The following SVOPL variants were observed in gnomAD, a reference collection of about 807,000 sequenced individuals.
SVOPL encodes SVOP like, also known as putative transporter SVOPL.
Under a neutral mutation model 61.0 loss-of-function variants are expected in SVOPL, and 60 were observed. The observed-to-expected ratio is 0.98, with a 90% CI of 0.80 to 1.22. SVOPL has a LOEUF of 1.22. Ranked by LOEUF, SVOPL falls within the 50% of genes most tolerant of loss-of-function variation. The probability of loss-of-function intolerance (pLI) is 0.00; values close to 1 mark genes in which losing one functional copy is unlikely to be tolerated. For synonymous variants in SVOPL, 279 were observed against 250.0 expected, an observed-to-expected ratio of 1.12 and a Z score of -1.09; for missense variants, 662 against 643.9, an observed-to-expected ratio of 1.03 and a Z score of -0.30.
At chr7:138,663,046 C>A (rs530982719) in intron 5 of SVOPL, 28 bp downstream of exon 5, 1 of 1,613,928 alleles carries the variant, frequency 6.2e-7, no homozygotes, top group Admixed American at 1.7e-5. Context: ...AAAGACAATT[C>A]CAAATGCTAC....
chr7:138,669,638 T>A (rs1802366187), intron 4 of SVOPL, among the ~76,000 whole-genome samples: 1 of 152,138 alleles, frequency 6.6e-6, no homozygotes, highest in African/African-American at 2.4e-5. Context: ...CTTCCTGTAA[T>A]GCGTGCCTCA....
intron 4 of SVOPL, among the ~76,000 whole-genome samples, chr7:138,668,142 C>A (rs983925685): frequency 6.6e-6 from 1 of 152,118 alleles, no homozygotes; most frequent in African/African-American, 2.4e-5. Context: ...GTGGCACCCA[C>A]TCAGGAACTC....
At chr7:138,606,521 T>C (rs1798764779) in intron 14 of SVOPL, among the ~76,000 whole-genome samples, 1 of 152,172 alleles carries the variant, frequency 6.6e-6, no homozygotes, top group African/African-American at 2.4e-5. Context: ...GAGCCCACTG[T>C]GGACATGTCT....
intron 8 of SVOPL, 146 bp from the exon 9 acceptor site, chr7:138,644,991 T>G (rs2117001629): frequency 1.9e-6 from 2 of 1,029,810 alleles, no homozygotes; most frequent in East Asian, 5.0e-5. Context: ...GTAGCAGGTA[T>G]TCTGTTGGAT....
At chr7:138,658,568 C>T (rs1234688986) in intron 6 of SVOPL, among the ~76,000 whole-genome samples, 1 of 152,128 alleles carries the variant, frequency 6.6e-6, no homozygotes, top group Non-Finnish European at 1.5e-5. Flanking sequence ...CGAGCCACCA[C>T]CACGCCCAGC....
At chr7:138,675,239 AAAAAG>A (rs1174335265) in intron 3 of SVOPL, among the ~76,000 whole-genome samples, 1 of 150,096 alleles carries the variant, frequency 6.7e-6, no homozygotes, top group Admixed American at 6.7e-5. Flanking sequence ...CATCTCAAAA[AAAAAG>A]AAAAAAGAAA....
chr7:138,657,286 G>T (rs1801793670), intron 6 of SVOPL, among the ~76,000 whole-genome samples: 1 of 152,064 alleles, frequency 6.6e-6, no homozygotes, highest in Non-Finnish European at 1.5e-5. Context: ...CTCCCAAGTG[G>T]CTGGGATTAC....
chr7:138,652,398 G>A (rs1801484738), intron 7 of SVOPL, among the ~76,000 whole-genome samples: 1 of 151,616 alleles, frequency 6.6e-6, no homozygotes, highest in Non-Finnish European at 1.5e-5. Context: ...TGTTATCTAG[G>A]CTGGTCTCAA....
At chr7:138,649,965 G>A (rs1206828706) in intron 7 of SVOPL, among the ~76,000 whole-genome samples, 1 of 152,070 alleles carries the variant, frequency 6.6e-6, no homozygotes, top group Admixed American at 6.6e-5. Context: ...CTCAGTAGCT[G>A]GCATTATAGG....
intron 9 of SVOPL, among the ~76,000 whole-genome samples, chr7:138,633,097 T>A (rs1441540816): frequency 6.6e-6 from 1 of 152,152 alleles, no homozygotes; most frequent in Non-Finnish European, 1.5e-5. Flanking sequence ...TGTCAGTATC[T>A]CAGTAGGAAG....
rs143732886 is a variant in SVOPL, at chr7:138,656,485, G to A, written c.497C>T (p.Pro166Leu). 3.5e-4 allele frequency: 568 copies of A among 1,613,872 alleles called. 2 individuals are homozygous for A. Among genetic ancestry groups the A allele is most frequent in the Middle Eastern group, 1.7e-3 (10 of 6,060 alleles). The stretch of plus-strand genomic sequence containing the variant: ...TAACATATAGCCTCGGTATTTCGTG[G>A]GCAAAAATTCAGTCTTTATGATTAA... ...QGLIIKTEFL[P>L]TKYRGYMLPL... The change falls in exon 7 of 16, where the codon CCC (proline) becomes CTC (leucine). Residue 166 changes from proline to leucine, a missense_variant. By Grantham distance (98) the Pro-to-Leu change is moderately conservative. Transcript: ENST00000674285.
intron 1 of SVOPL, among the ~76,000 whole-genome samples, chr7:138,680,968 G>A (rs1240671554): frequency 2.0e-5 from 3 of 151,864 alleles, no homozygotes; most frequent in Non-Finnish European, 2.9e-5. Context: ...TCTTGCTAAT[G>A]ATATTGTTAG....
rs546802969 is a variant in SVOPL at position 138,678,977 on chromosome 7, C to T, written c.69G>A (p.Glu23=). 3.2e-6 allele frequency: 5 copies of T among 1,551,622 alleles called. No homozygotes were observed. In the African/African-American group the frequency reaches 5.5e-5, roughly 17 times the overall value. Residue 23 remains glutamate (E), a synonymous_variant, in exon 2 of 16, where the codon GAG becomes GAA. Coordinates refer to ENST00000674285, the MANE Select transcript of SVOPL (RefSeq NM_001139456.2). ...SLRKLSLGTA[E]PQVKEPKTFT... ...TGATAATCTCACCTTTAACCTGTGGCTCTGCGGTCCCCAGGCTCAATTTCC... is the reference window on the plus strand; with the variant it reads ...TGATAATCTCACCTTTAACCTGTGGTTCTGCGGTCCCCAGGCTCAATTTCC...
intron 14 of SVOPL, among the ~76,000 whole-genome samples, chr7:138,600,756 C>T (rs1028048376): frequency 7.9e-5 from 12 of 151,994 alleles, no homozygotes; most frequent in African/African-American, 2.7e-4. Context: ...CACTGATCAT[C>T]AGGAAAATGA....
intron 6 of SVOPL, among the ~76,000 whole-genome samples, chr7:138,657,134 G>GTTTGTTTATTTA (rs529987229): frequency 4.3e-4 from 64 of 147,138 alleles, no homozygotes; most frequent in East Asian, 2.2e-3. Flanking sequence ...TTTCTTATTT[G>GTTTGTTTATTTA]TTTATTTATT....
intron 3 of SVOPL, among the ~76,000 whole-genome samples, chr7:138,676,074 G>A (rs1035439892): frequency 3.3e-5 from 5 of 152,216 alleles, no homozygotes; most frequent in Non-Finnish European, 7.3e-5. Flanking sequence ...GACCTCAGGT[G>A]ATCCACCGGC....
intron 14 of SVOPL, among the ~76,000 whole-genome samples, chr7:138,603,425 T>G (rs1798612941): frequency 6.6e-6 from 1 of 152,184 alleles, no homozygotes; most frequent in Non-Finnish European, 1.5e-5. Flanking sequence ...GGCTCATGCC[T>G]GTAATCCCAG....
At chr7:138,668,402 C>T (rs539759614) in intron 4 of SVOPL, among the ~76,000 whole-genome samples, 9 of 152,284 alleles carry the variant, frequency 5.9e-5, no homozygotes, top group Admixed American at 5.9e-4. Flanking sequence ...AGTCAGCGGG[C>T]AAGGTGAACC....
In SVOPL at chr7:138,628,171, G is replaced by C. The variant is rs374157361; in HGVS notation, c.1056C>G (p.Ile352Met). The stretch of plus-strand genomic sequence containing the variant: ...AGGGACACTTACAAGCAATTTCACC[G>C]ATGGTGCTGATGATCATGGTCCGAT... ...SDYRTMIIST[I>M]GEIALNPLNI... Residue 352 changes from isoleucine to methionine, a missense_variant, in exon 11 of 16, where the codon ATC becomes ATG. By Grantham distance (10) the Ile-to-Met change is conservative (BLOSUM62 1). Coordinates refer to ENST00000674285, the MANE Select transcript of SVOPL (RefSeq NM_001139456.2). 6.2e-7 allele frequency: 1 copy of C among 1,614,160 alleles called. No homozygotes were observed.
Sources: allele counts gnomAD v4.1 joint callset (sites outside exome capture counted in the v4.1 genomes callset), GRCh38; gene constraint gnomAD v4.1.1; transcripts MANE v1.5; gene names NCBI Gene and HGNC (gene_info 2026-07-23, HGNC 2026-07-21).